The following LRRC1 variants were observed in gnomAD, a reference collection of about 807,000 sequenced individuals.
The protein encoded by LRRC1 is leucine rich repeat containing 1.
Under a neutral mutation model 69.9 loss-of-function variants are expected in LRRC1, and 28 were observed. The observed-to-expected ratio is 0.40, with a 90% CI of 0.30 to 0.55. The LOEUF is 0.55. LRRC1 is among the 20% of genes least tolerant of loss of function. The pLI, the probability that LRRC1 is intolerant of heterozygous loss-of-function variation, is 0.47. For synonymous variants in LRRC1, 236 were observed against 240.2 expected (o/e 0.98, Z 0.16); for missense variants, 498 against 609.0 (o/e 0.82, Z 1.92).
chr6:53,853,903 A>AG (rs543997921), intron 2 of LRRC1, among the ~76,000 whole-genome samples: 97 of 152,230 alleles, frequency 6.4e-4, no homozygotes, highest in African/African-American at 2.2e-3. Flanking sequence ...TCCTTTCTCA[A>AG]GGTGTGGATA....
chr6:53,853,499 G>C (rs1321782575), intron 2 of LRRC1, among the ~76,000 whole-genome samples: 1 of 152,010 alleles, frequency 6.6e-6, no homozygotes, highest in Non-Finnish European at 1.5e-5. Context: ...TGACCAGGCT[G>C]GTCTTCAACT....
At chr6:53,823,276 C>T (rs1234640435) in intron 1 of LRRC1, among the ~76,000 whole-genome samples, 1 of 152,168 alleles carries the variant, frequency 6.6e-6, no homozygotes, top group Non-Finnish European at 1.5e-5. Flanking sequence ...CTTTGTAACT[C>T]ATGAGGGGAT....
At chr6:53,862,385 T>G (rs535084591) in intron 2 of LRRC1, among the ~76,000 whole-genome samples, 3 of 152,012 alleles carry the variant, frequency 2.0e-5, no homozygotes, top group South Asian at 4.2e-4. Flanking sequence ...CTGTCCACAT[T>G]TTTTTCTGCA....
At chr6:53,902,026 A>G (rs1768072989) in intron 8 of LRRC1, among the ~76,000 whole-genome samples, 1 of 152,148 alleles carries the variant, frequency 6.6e-6, no homozygotes, top group Non-Finnish European at 1.5e-5. Flanking sequence ...GAGAATCTGA[A>G]TGACTTTACT....
Position 53,803,141 on chromosome 6 carries a change from G to A in LRRC1, c.159+7726G>A, listed in dbSNP as rs112497533. ...CAGGTACTTGGGATTTCCTTAAAAC[G>A]GACCCTTTACCACAGACTTGAGATT... On this transcript the variant is annotated intron_variant, in intron 1 of 13. Transcript: ENST00000370888. 8.2e-3 allele frequency among the ~76,000 whole-genome samples: 1,255 copies of A among 152,262 alleles called. 12 individuals carry two copies. The highest frequency in any genetic ancestry group is 0.027 in the African/African-American group (1,142 of 41,536).
At chr6:53,908,148 G>C (rs546446140) in intron 10 of LRRC1, among the ~76,000 whole-genome samples, 2 of 152,294 alleles carry the variant, frequency 1.3e-5, no homozygotes, top group South Asian at 4.1e-4. Flanking sequence ...GGAGTTGGTG[G>C]TATATGTGTG....
At chr6:53,815,273 C>T (rs1764918666) in intron 1 of LRRC1, among the ~76,000 whole-genome samples, 1 of 152,026 alleles carries the variant, frequency 6.6e-6, no homozygotes, top group African/African-American at 2.4e-5. Context: ...AGGTTCATGT[C>T]TTATCTCTAG....
chr6:53,833,001 C>G (rs1765473393), intron 1 of LRRC1, among the ~76,000 whole-genome samples: 1 of 151,918 alleles, frequency 6.6e-6, no homozygotes. Context: ...TATGCATTTG[C>G]CATCCTGTGT....
intron 1 of LRRC1, among the ~76,000 whole-genome samples, chr6:53,816,080 G>A (rs770244763): frequency 5.3e-5 from 8 of 152,242 alleles, no homozygotes; most frequent in South Asian, 4.2e-4. Context: ...CTTTTATAAC[G>A]TGAGCTCTTT....
chr6:53,805,885 A>G (rs1581841641), intron 1 of LRRC1, among the ~76,000 whole-genome samples: 1 of 152,200 alleles, frequency 6.6e-6, no homozygotes, highest in East Asian at 1.9e-4. Context: ...GCTTCCCTGC[A>G]CCAGCAGGAT....
intron 1 of LRRC1, among the ~76,000 whole-genome samples, chr6:53,804,429 G>A (rs972927425): frequency 3.3e-5 from 5 of 151,980 alleles, no homozygotes; most frequent in African/African-American, 9.7e-5. Context: ...TATTTTAATG[G>A]ATTGTTTCTT....
At chr6:53,799,121 TTTAAAAATTTGAATTTCACC>T (rs753360835) in intron 1 of LRRC1, among the ~76,000 whole-genome samples, 3 of 152,250 alleles carry the variant, frequency 2.0e-5, no homozygotes, top group Non-Finnish European at 2.9e-5. Flanking sequence ...GCTTCATAGC[TTTAAAAATTTGAATTTCACC>T]TTGCCACCTC....
intron 1 of LRRC1, among the ~76,000 whole-genome samples, chr6:53,802,309 GA>G (rs1417776494): frequency 1.3e-5 from 2 of 152,186 alleles, no homozygotes; most frequent in East Asian, 3.9e-4. Context: ...TAGGCCAGAG[GA>G]AAAGATAGAG....
chr6:53,850,154 CAAAT>C (rs962818212), intron 2 of LRRC1, among the ~76,000 whole-genome samples: 23 of 148,476 alleles, frequency 1.5e-4, no homozygotes, highest in Admixed American at 4.7e-4. Flanking sequence ...AAGGAAATAA[CAAAT>C]AACTCTACAG....
intron 10 of LRRC1, among the ~76,000 whole-genome samples, chr6:53,906,084 T>C (rs963480528): frequency 1.1e-4 from 17 of 152,246 alleles, no homozygotes; most frequent in African/African-American, 4.1e-4. Flanking sequence ...TGCCAGGCAC[T>C]GTACTAGATG....
chr6:53,922,616 C>A lies in LRRC1; in HGVS notation c.1417-19C>A, dbSNP rs770426883. 1.3e-6 allele frequency: 2 copies of A among 1,598,344 alleles called. No individual in the cohort carries two copies. The highest frequency in any genetic ancestry group is 2.2e-5 in the South Asian group (2 of 89,098). ...TAGTGGAATAAAACCAAAACACTCA[C>A]TCCACTGTTTGTTTTTAGAGAACAC... On this transcript the variant is annotated intron_variant, in intron 13 of 13. Coordinates refer to ENST00000370888, the MANE Select transcript of LRRC1 (RefSeq NM_018214.5).
chr6:53,857,294 AG>A (rs1373614789), intron 2 of LRRC1, among the ~76,000 whole-genome samples: 1 of 152,174 alleles, frequency 6.6e-6, no homozygotes, highest in Non-Finnish European at 1.5e-5. Flanking sequence ...GGCCCTTGTA[AG>A]ATTCTGAGAA....
chr6:53,830,284 G>T (rs981036361), intron 1 of LRRC1, among the ~76,000 whole-genome samples: 5 of 152,234 alleles, frequency 3.3e-5, no homozygotes, highest in South Asian at 4.1e-4. Context: ...AAGGAGCTTT[G>T]CCTTTTCTTG....
intron 1 of LRRC1, among the ~76,000 whole-genome samples, chr6:53,807,589 T>C (rs2127404358): frequency 6.6e-6 from 1 of 152,084 alleles, no homozygotes. Context: ...CTACTAAAAA[T>C]ACAAAATTAG....
Sources: gnomAD v4.1 joint callset for allele counts (sites outside exome capture counted in the v4.1 genomes callset) on GRCh38, gnomAD v4.1.1 for gene constraint, MANE v1.5 for transcripts, NCBI Gene and HGNC (gene_info 2026-07-23, HGNC 2026-07-21) for gene names.